ADGB: variants seen among roughly 807,000 people sequenced by gnomAD.
ADGB encodes androglobin.
ADGB carries 172 observed loss-of-function variants against 210.5 expected under a neutral mutation model. That is an observed-to-expected ratio of 0.82 (90% confidence interval 0.72 to 0.93). ADGB has a LOEUF of 0.93. Ranked by LOEUF, ADGB falls within the 40% of genes least tolerant of loss-of-function variation. ADGB has a pLI of 0.00. For missense variants in ADGB, 2,025 were observed against 1,964.8 expected (o/e 1.03, Z -0.58); for synonymous variants, 658 against 662.7 (o/e 0.99, Z 0.11).
intron 33 of ADGB, among the ~76,000 whole-genome samples, chr6:146,793,070 G>T (rs922591473): frequency 6.6e-6 from 1 of 152,134 alleles, no homozygotes; most frequent in Non-Finnish European, 1.5e-5. Flanking sequence ...GGCTGTGGTG[G>T]CCAGCTTTTA....
At chr6:146,746,236 CAATT>C (rs1777235244) in intron 26 of ADGB, 127 bp downstream of exon 26, 1 of 684,148 alleles carries the variant, frequency 1.5e-6, no homozygotes. Flanking sequence ...TTTTTGGAAA[CAATT>C]AATTGAGTGT....
At chr6:146,628,425 A>T (rs1422081491) in intron 1 of ADGB, among the ~76,000 whole-genome samples, 1 of 152,022 alleles carries the variant, frequency 6.6e-6, no homozygotes, top group East Asian at 1.9e-4. Context: ...ATATTAAATA[A>T]TATATATCTA....
chr6:146,758,109 T>A (rs1308348829), intron 27 of ADGB, among the ~76,000 whole-genome samples: 2 of 152,080 alleles, frequency 1.3e-5, no homozygotes, highest in Non-Finnish European at 2.9e-5. Context: ...CCTGGGTTGT[T>A]TTCAGCACTT....
intron 3 of ADGB, among the ~76,000 whole-genome samples, chr6:146,653,250 G>A (rs1775730059): frequency 6.6e-6 from 1 of 151,940 alleles, no homozygotes; most frequent in African/African-American, 2.4e-5. Flanking sequence ...CTACATTATG[G>A]TGAGCTGTAT....
chr6:146,659,865 G>A (rs1362742147), intron 5 of ADGB, among the ~76,000 whole-genome samples: 1 of 152,124 alleles, frequency 6.6e-6, no homozygotes, highest in East Asian at 1.9e-4. Context: ...AATATGTATT[G>A]CTGATGGCAG....
intron 12 of ADGB, among the ~76,000 whole-genome samples, chr6:146,700,545 T>C (rs1776476066): frequency 1.3e-5 from 2 of 152,198 alleles, no homozygotes; most frequent in Non-Finnish European, 2.9e-5. Flanking sequence ...GGTATGAATG[T>C]CACAGTTATA....
intron 3 of ADGB, among the ~76,000 whole-genome samples, chr6:146,646,484 T>A (rs1162990320): frequency 2.6e-5 from 4 of 152,120 alleles, no homozygotes; most frequent in Admixed American, 2.0e-4. Context: ...AAAACTGACC[T>A]GTCTTTAAGT....
In ADGB at chr6:146,784,998, GC is replaced by G. The variant is rs368443862; in HGVS notation, c.4212+205del. 3.0e-4 allele frequency among the ~76,000 whole-genome samples: 45 copies of G among 152,214 alleles called. 1 individual carries two copies. The highest frequency in any genetic ancestry group is 3.4e-3 in the Middle Eastern group (1 of 294). ...ACCCTCCTGATTACCCAAAGGACTTGCAAAAACAAAGCACATGGTGGTACCA... is the reference window on the plus strand; with the variant it reads ...ACCCTCCTGATTACCCAAAGGACTTGAAAAACAAAGCACATGGTGGTACCA... On this transcript the variant is annotated intron_variant, in intron 31 of 35. Coordinates refer to ENST00000397944, the MANE Select transcript of ADGB (RefSeq NM_024694.4).
At chr6:146,642,290 T>C (rs1775528222) in intron 2 of ADGB, among the ~76,000 whole-genome samples, 1 of 151,722 alleles carries the variant, frequency 6.6e-6, no homozygotes. Context: ...TTGGTGGGAG[T>C]GTAAATTAGT....
At chr6:146,719,170 T>A (rs542851056) in intron 16 of ADGB, among the ~76,000 whole-genome samples, 1 of 129,308 alleles carries the variant, frequency 7.7e-6, no homozygotes, top group East Asian at 2.5e-4. Context: ...ATGAAGCAGA[T>A]CAAATGTGAA....
chr6:146,676,852 C>T (rs1034549964), intron 9 of ADGB, among the ~76,000 whole-genome samples: 2 of 152,162 alleles, frequency 1.3e-5, no homozygotes, highest in Non-Finnish European at 2.9e-5. Context: ...AGCTCTTTTA[C>T]TGTGTTTTAG....
At chr6:146,670,845 A>G (rs1775997069) in intron 7 of ADGB, among the ~76,000 whole-genome samples, 2 of 152,220 alleles carry the variant, frequency 1.3e-5, no homozygotes, top group African/African-American at 4.8e-5. Flanking sequence ...AGGCTATACT[A>G]GAATACTAGG....
intron 16 of ADGB, 80 bp downstream of exon 16, chr6:146,717,679 A>T: frequency 1.4e-6 from 1 of 690,664 alleles, no homozygotes; most frequent in Non-Finnish European, 2.3e-6. Context: ...CAAATTTCTC[A>T]AAACATTTCT....
At chr6:146,672,157 T>C (rs886493983) in intron 7 of ADGB, 63 bp from the exon 8 acceptor site, 6 of 1,443,288 alleles carry the variant, frequency 4.2e-6, no homozygotes, top group Non-Finnish European at 5.5e-6. Context: ...AGTAATTTCT[T>C]GCGAAGTTCA....
At chr6:146,717,177 G>A in intron 15 of ADGB, 108 bp downstream of exon 15, 3 of 919,218 alleles carry the variant, frequency 3.3e-6, no homozygotes, top group Non-Finnish European at 4.8e-6. Flanking sequence ...TTAATATAGT[G>A]GTTATATAAC....
chr6:146,635,315 A>C, intron 1 of ADGB, 60 bp from the exon 2 acceptor site: 16 of 1,311,864 alleles, frequency 1.2e-5, no homozygotes, highest in Admixed American at 7.3e-5. Flanking sequence ...CAGTTAATCC[A>C]ATATTTGATC....
chr6:146,789,106 A>T (rs926396252), intron 33 of ADGB, among the ~76,000 whole-genome samples: 3 of 152,220 alleles, frequency 2.0e-5, no homozygotes, highest in Admixed American at 6.5e-5. Context: ...AAACTGAACT[A>T]AAACCCTGAT....
intron 13 of ADGB, among the ~76,000 whole-genome samples, chr6:146,709,240 G>C (rs1476171942): frequency 2.6e-5 from 4 of 152,052 alleles, no homozygotes; most frequent in Admixed American, 1.3e-4. Context: ...CTGGCTTTTG[G>C]TGCTTTATTT....
At chr6:146,733,851 T>C (rs1562286848) in intron 21 of ADGB, 42 bp from the exon 22 acceptor site, 2 of 1,550,106 alleles carry the variant, frequency 1.3e-6, no homozygotes, top group Non-Finnish European at 8.7e-7. Context: ...GGGAAGGGAT[T>C]AAATATAACT....
Sources: allele counts gnomAD v4.1 joint callset (sites outside exome capture counted in the v4.1 genomes callset), GRCh38; gene constraint gnomAD v4.1.1; transcripts MANE v1.5; gene names NCBI Gene and HGNC (gene_info 2026-07-23, HGNC 2026-07-21).